TAAR1: variants seen among roughly 807,000 people sequenced by gnomAD.
TAAR1 encodes the protein trace amine associated receptor 1, also known as trace amine-associated receptor 1.
In TAAR1, 1 loss-of-function variant was observed where a neutral mutation model predicts 1.2. The observed-to-expected ratio is 0.81, with a 90% CI of 0.29 to 3.86. The LOEUF is 3.86. Among genes scored for constraint, TAAR1 ranks in the 30% most tolerant of loss-of-function variants. The probability of loss-of-function intolerance (pLI) is 0.18; values close to 1 mark genes in which losing one functional copy is unlikely to be tolerated. For missense variants in TAAR1, 445 were observed against 405.6 expected (o/e 1.10, Z -0.83); for synonymous variants, 153 against 132.2 (o/e 1.16, Z -1.08).
At chr6:132,647,664 G>GAAAA (rs755528472) in intron 1 of TAAR1, among the ~76,000 whole-genome samples, 1 of 145,548 alleles carries the variant, frequency 6.9e-6, no homozygotes, top group Non-Finnish European at 1.5e-5. Flanking sequence ...AAGAAAGAAA[G>GAAAA]AAAGAAAGAA....
At chr6:132,649,316 T>G (rs982149795) in intron 1 of TAAR1, among the ~76,000 whole-genome samples, 2 of 152,152 alleles carry the variant, frequency 1.3e-5, no homozygotes, top group Non-Finnish European at 2.9e-5. Context: ...CCCTGCAACC[T>G]TGTCAATGGC....
At chr6:132,653,752 G>A (rs528608127) in intron 1 of TAAR1, among the ~76,000 whole-genome samples, 3 of 152,120 alleles carry the variant, frequency 2.0e-5, no homozygotes, top group Non-Finnish European at 2.9e-5. Flanking sequence ...GTTGTTTTAC[G>A]ATCTCTTATT....
At chr6:132,658,865 C>A (rs1350247409) in intron 1 of TAAR1, among the ~76,000 whole-genome samples, 1 of 152,134 alleles carries the variant, frequency 6.6e-6, no homozygotes, top group Admixed American at 6.5e-5. Context: ...AGAAACAACA[C>A]TTTTTAAAAG....
chr6:132,647,680 GAAGA>G (rs1220462738), intron 1 of TAAR1, among the ~76,000 whole-genome samples: 1 of 140,786 alleles, frequency 7.1e-6, no homozygotes, highest in Non-Finnish European at 1.6e-5. Context: ...AAGAAAGAAA[GAAGA>G]AAGAAAGGAA....
At chr6:132,654,171 A>G (rs60844501) in intron 1 of TAAR1, among the ~76,000 whole-genome samples, 9,061 of 152,222 alleles carry the variant, frequency 0.06, 307 homozygotes, top group East Asian at 0.11. Context: ...AATAGTTGTT[A>G]GGATCAGATA....
rs1777842681 is a variant in TAAR1, at chr6:132,659,167, A to G, written c.-164T>C. On this transcript the variant is annotated 5_prime_UTR_variant, in exon 1 of 2. Coordinates refer to ENST00000275216, the MANE Select transcript of TAAR1 (RefSeq NM_138327.4). ...GAGTGAACACAGTCAGCGGATGAGC[A>G]GACAGCAGGAACACTGCCTTTGGGA... 6.6e-6 allele frequency among the ~76,000 whole-genome samples: 1 copy of G among 152,254 alleles called. No individual in the cohort carries two copies. Among genetic ancestry groups the G allele is most frequent in the Non-Finnish European group, 1.5e-5 (1 of 68,042 alleles).
rs536341473 is a variant in TAAR1, at chr6:132,643,575, T to A, written c.*1409A>T. ...ATAATTTCTGGAAGGATTTCACATA[T>A]CCTCCGGAGATCCTCAGATTTGTAA... On this transcript the variant is annotated 3_prime_UTR_variant, in exon 2 of 2. Coordinates refer to ENST00000275216, the MANE Select transcript of TAAR1 (RefSeq NM_138327.4). Among the ~76,000 whole-genome samples, 3 of 152,098 alleles carry A rather than the reference T, an allele frequency of 2.0e-5. No homozygotes were observed. In the East Asian group the frequency reaches 5.8e-4, roughly 29 times the overall value.
At position 132,645,777 on chromosome 6, in the gene TAAR1, AC is replaced by A; in HGVS notation, c.226del (p.Val76SerfsTer7). 6.2e-7 allele frequency: 1 copy of A among 1,613,778 alleles called. No homozygotes were observed. Among genetic ancestry groups the A allele is most frequent in the South Asian group, 1.1e-5 (1 of 91,070 alleles). On this transcript the variant is annotated frameshift_variant, in exon 2 of 2. Transcript: ENST00000275216. LOFTEE classifies it low-confidence loss of function (END_TRUNC). Reference protein sequence around the residue: ...ATVDFLLGCLVMPYSMVRSAE... With the variant: ...ATVDFLLGCLXMPYSMVRSAE... The stretch of plus-strand genomic sequence containing the variant: ...AGATCTCACCATACTGTAAGGCATG[AC>A]CAGACACCCCAGAAGAAAGTCCACA...
rs577265892 is a variant in TAAR1, at chr6:132,656,631, A to T, written c.-127+2499T>A. On this transcript the variant is annotated intron_variant, in intron 1 of 1. Transcript: ENST00000275216. ...TGTGCCTCATAGAACCTTAAAAAAA[A>T]TTCATGCACATATACTTAGCCTGGT... Among the ~76,000 whole-genome samples the T allele has an allele frequency of 2.6e-5, 4 of 152,344 alleles. No homozygotes were observed. The South Asian group carries it at 8.3e-4, about 32-fold the overall frequency.
intron 1 of TAAR1, among the ~76,000 whole-genome samples, chr6:132,654,860 T>C (rs951693302): frequency 2.6e-5 from 4 of 152,226 alleles, no homozygotes; most frequent in African/African-American, 9.6e-5. Flanking sequence ...TGGCAAATTT[T>C]GTTTTAAAAT....
intron 1 of TAAR1, among the ~76,000 whole-genome samples, chr6:132,655,576 GGGCTCCAAGCAATCCTCCTGGCTT>G (rs1457352008): frequency 1.3e-5 from 2 of 151,906 alleles, no homozygotes; most frequent in African/African-American, 4.8e-5. Context: ...TGAATGCCTG[GGGCTCCAAGCAATCCTCCTGGCTT>G]GGCCTCCAAA....
intron 1 of TAAR1, among the ~76,000 whole-genome samples, chr6:132,651,263 T>A (rs1452364231): frequency 6.6e-6 from 1 of 152,168 alleles, no homozygotes; most frequent in Non-Finnish European, 1.5e-5. Context: ...TTCCTATTCA[T>A]AACCACTCCC....
chr6:132,647,395 T>C lies in TAAR1; in HGVS notation c.-126-1266A>G, dbSNP rs944722548. ...ACACACACACACACACACACACACA[T>C]ATATAACACATACACAGACATGTAC... On this transcript the variant is annotated intron_variant, in intron 1 of 1. Coordinates refer to ENST00000275216, the MANE Select transcript of TAAR1 (RefSeq NM_138327.4). 7.0e-4 allele frequency among the ~76,000 whole-genome samples: 89 copies of C among 127,556 alleles called. 1 individual carries two copies. The highest frequency in any genetic ancestry group is 5.3e-4 in the Non-Finnish European group (32 of 59,954). 83.7% of individuals were successfully genotyped at this position (127,556 alleles called of 152,430 possible). A position where few individuals can be genotyped will look rare whatever the true frequency, so the allele number is the denominator to read the frequency against.
chr6:132,646,339 A>C (rs1053684821), intron 1 of TAAR1, among the ~76,000 whole-genome samples: 5 of 152,174 alleles, frequency 3.3e-5, no homozygotes, highest in Admixed American at 2.6e-4. Context: ...TATTAGGTTG[A>C]ACTATATGAA....
rs367691287 is a variant in TAAR1 at position 132,645,528 on chromosome 6, A to G, written c.476T>C (p.Ile159Thr). The G allele has an allele frequency of 3.3e-5, 53 of 1,613,644 alleles. No homozygotes were observed. The highest frequency in any genetic ancestry group is 3.3e-4 in the Middle Eastern group (2 of 6,080). Residue 159 changes from isoleucine to threonine, a missense_variant, in exon 2 of 2, where the codon ATC becomes ACC. Transcript: ENST00000275216. ...GCCTTTGAAGTTTAGCTCCAGAAAG[A>G]TCATTCCAAATGCAAAAACAGCAGG... The part of the protein sequence containing the change: ...SVPAVFAFGM[I>T]FLELNFKGAE...
chr6:132,645,579 A>G lies in TAAR1; in HGVS notation c.425T>C (p.Val142Ala). The change falls in exon 2 of 2, where the codon GTG becomes GCG. Residue 142 changes from valine to alanine, a missense_variant. Physicochemically the swap from Val to Ala is moderately conservative, Grantham distance 64. Coordinates refer to ENST00000275216, the MANE Select transcript of TAAR1 (RefSeq NM_138327.4). ...KAKMNILVIC[V>A]MIFISWSVPA... ...GACACTCCAACTAATGAAGATCATC[A>G]CACAAATAACCAAGATATTCATCTT... 1 of 1,613,730 alleles carries G rather than the reference A, an allele frequency of 6.2e-7. No individual in the cohort carries two copies. The highest frequency in any genetic ancestry group is 1.1e-5 in the South Asian group (1 of 91,072).
chr6:132,653,161 T>C (rs1346901887), intron 1 of TAAR1, among the ~76,000 whole-genome samples: 3 of 152,150 alleles, frequency 2.0e-5, no homozygotes, highest in Non-Finnish European at 2.9e-5. Flanking sequence ...CAAGATCTTC[T>C]GCTCCTTCCC....
In TAAR1 at chr6:132,644,226, A is replaced by G. The variant is rs1046157355; in HGVS notation, c.*758T>C. 3.9e-5 allele frequency among the ~76,000 whole-genome samples: 6 copies of G among 151,986 alleles called. No homozygotes were observed. The highest frequency in any genetic ancestry group is 5.9e-5 in the Non-Finnish European group (4 of 67,926). ...TACTCATAGCTCAAACCTCAGCATC[A>G]TGCATTATATTTAGTTAATATGTGC... On this transcript the variant is annotated 3_prime_UTR_variant, in exon 2 of 2. Coordinates refer to ENST00000275216, the MANE Select transcript of TAAR1 (RefSeq NM_138327.4).
At chr6:132,655,685 G>A (rs1777798634) in intron 1 of TAAR1, among the ~76,000 whole-genome samples, 1 of 152,106 alleles carries the variant, frequency 6.6e-6, no homozygotes, top group African/African-American at 2.4e-5. Flanking sequence ...TCCGATTGCT[G>A]CCTTGAGAAC....
Sources: allele counts gnomAD v4.1 joint callset (sites outside exome capture counted in the v4.1 genomes callset), GRCh38; gene constraint gnomAD v4.1.1; transcripts MANE v1.5; gene names NCBI Gene and HGNC (gene_info 2026-07-23, HGNC 2026-07-21).